The following EGFLAM variants were observed in gnomAD, a reference collection of about 807,000 sequenced individuals.
EGFLAM encodes the protein pikachurin.
EGFLAM carries 79 observed loss-of-function variants against 113.1 expected under a neutral mutation model. That is an observed-to-expected ratio of 0.70 (90% CI 0.58 to 0.84). The LOEUF (loss-of-function observed/expected upper bound fraction) is 0.84, where lower values mean the gene tolerates loss of function less well. Among genes scored for constraint, EGFLAM ranks in the 40% least tolerant of loss-of-function variants. EGFLAM has a pLI of 0.00. For missense variants in EGFLAM, 1,265 were observed against 1,291.6 expected (o/e 0.98, Z 0.32); for synonymous variants, 504 against 487.6 (o/e 1.03, Z -0.44).
At chr5:38,448,045 G>A (rs943567327) in intron 17 of EGFLAM, among the ~76,000 whole-genome samples, 1 of 152,154 alleles carries the variant, frequency 6.6e-6, no homozygotes, top group African/African-American at 2.4e-5. Flanking sequence ...CACATTGTGA[G>A]GCCTTCTCAG....
intron 1 of EGFLAM, among the ~76,000 whole-genome samples, chr5:38,297,346 G>C (rs552536542): frequency 6.6e-6 from 1 of 152,094 alleles, no homozygotes; most frequent in Non-Finnish European, 1.5e-5. Flanking sequence ...ATTGAGAGAG[G>C]TCAGGGATCT....
At chr5:38,427,796 A>G (rs749835252) in intron 14 of EGFLAM, among the ~76,000 whole-genome samples, 8 of 152,360 alleles carry the variant, frequency 5.3e-5, no homozygotes, top group East Asian at 1.9e-4. Flanking sequence ...TCCCTAAGCA[A>G]TATGCTCAAG....
intron 5 of EGFLAM, among the ~76,000 whole-genome samples, chr5:38,363,792 A>G (rs561450642): frequency 6.6e-6 from 1 of 152,342 alleles, no homozygotes; most frequent in East Asian, 1.9e-4. Flanking sequence ...GGCACAAGCC[A>G]AGTTAAACCA....
At chr5:38,339,551 C>G (rs368998387) in intron 3 of EGFLAM, among the ~76,000 whole-genome samples, 2 of 152,242 alleles carry the variant, frequency 1.3e-5, no homozygotes, top group East Asian at 1.9e-4. Context: ...GGAACTATCA[C>G]TTATTGAGCA....
intron 17 of EGFLAM, chr5:38,445,763 G>A: frequency 6.5e-7 from 1 of 1,541,708 alleles, no homozygotes; most frequent in Non-Finnish European, 8.9e-7. Context: ...CAGGCCAACC[G>A]CATGCAGGGG....
At chr5:38,330,010 T>G (rs574984163) in intron 1 of EGFLAM, among the ~76,000 whole-genome samples, 1 of 152,284 alleles carries the variant, frequency 6.6e-6, no homozygotes, top group East Asian at 1.9e-4. Context: ...ATTTAAATAC[T>G]TTCCTACAGA....
intron 1 of EGFLAM, among the ~76,000 whole-genome samples, chr5:38,259,185 A>T (rs1245583125): frequency 6.6e-6 from 1 of 152,206 alleles, no homozygotes; most frequent in Non-Finnish European, 1.5e-5. Flanking sequence ...CAGAGGAGTC[A>T]AACCAGCCCC....
rs1318202870 is a variant in EGFLAM, at chr5:38,289,547, A to G, written c.97+30696A>G. Among the ~76,000 whole-genome samples, 4 of 152,332 alleles carry G rather than the reference A, an allele frequency of 2.6e-5. No individual in the cohort carries two copies. The East Asian group carries it at 7.7e-4, about 29-fold the overall frequency. Reference sequence around the variant, plus strand: ...AAGCTCCACTACTTAGAATTTTGTCAGTTTCTGATAGAGGAGGAAAGTGGA... The same window carrying G: ...AAGCTCCACTACTTAGAATTTTGTCGGTTTCTGATAGAGGAGGAAAGTGGA... On this transcript the variant is annotated intron_variant, in intron 1 of 21. Coordinates refer to ENST00000322350, the MANE Select transcript of EGFLAM (RefSeq NM_152403.4).
At chr5:38,426,007 G>A (rs962615773) in intron 13 of EGFLAM, among the ~76,000 whole-genome samples, 2 of 151,972 alleles carry the variant, frequency 1.3e-5, no homozygotes, top group Admixed American at 1.3e-4. Context: ...GGAGGCTGAG[G>A]CAGGAGAATT....
intron 1 of EGFLAM, among the ~76,000 whole-genome samples, chr5:38,324,125 A>T (rs1738812507): frequency 6.6e-6 from 1 of 151,858 alleles, no homozygotes. Context: ...ATGTGAGGAA[A>T]GCCTTGGGTG....
At chr5:38,335,804 C>A (rs1175526615) in intron 1 of EGFLAM, among the ~76,000 whole-genome samples, 1 of 152,150 alleles carries the variant, frequency 6.6e-6, no homozygotes. Flanking sequence ...ACATTGATGA[C>A]AAGCCCTAGA....
At chr5:38,373,355 C>G (rs1740273852) in intron 6 of EGFLAM, among the ~76,000 whole-genome samples, 1 of 152,162 alleles carries the variant, frequency 6.6e-6, no homozygotes, top group Admixed American at 6.5e-5. Flanking sequence ...GTACCCATCA[C>G]CCAAATAGTG....
At chr5:38,393,962 C>T (rs1740885082) in intron 6 of EGFLAM, among the ~76,000 whole-genome samples, 1 of 152,154 alleles carries the variant, frequency 6.6e-6, no homozygotes, top group Non-Finnish European at 1.5e-5. Flanking sequence ...CGGTGGGTGG[C>T]TCTCAGCGGA....
At chr5:38,441,164 C>T (rs1486948875) in intron 17 of EGFLAM, among the ~76,000 whole-genome samples, 5 of 152,184 alleles carry the variant, frequency 3.3e-5, no homozygotes, top group African/African-American at 4.8e-5. Context: ...CCACAGGCTT[C>T]CTGTAGCAGT....
intron 14 of EGFLAM, among the ~76,000 whole-genome samples, chr5:38,427,680 T>C (rs1333079050): frequency 6.6e-6 from 1 of 152,202 alleles, no homozygotes; most frequent in African/African-American, 2.4e-5. Flanking sequence ...ACAAATATTT[T>C]TGAACAAAAA....
At chr5:38,296,097 G>T (rs1206791217) in intron 1 of EGFLAM, among the ~76,000 whole-genome samples, 1 of 152,096 alleles carries the variant, frequency 6.6e-6, no homozygotes, top group Non-Finnish European at 1.5e-5. Flanking sequence ...ATGGGGATTT[G>T]GGGTGGGGGT....
chr5:38,312,524 G>T (rs1046917801), intron 1 of EGFLAM, among the ~76,000 whole-genome samples: 2 of 152,160 alleles, frequency 1.3e-5, no homozygotes, highest in Non-Finnish European at 2.9e-5. Flanking sequence ...ACAGGCGTGA[G>T]CCACCGCGCC....
At chr5:38,349,818 A>C (rs1282372266) in intron 3 of EGFLAM, among the ~76,000 whole-genome samples, 1 of 120,122 alleles carries the variant, frequency 8.3e-6, no homozygotes, top group Non-Finnish European at 1.7e-5. Context: ...CACTTTTAAG[A>C]AAGTCTTCCT....
intron 5 of EGFLAM, among the ~76,000 whole-genome samples, 180 bp from the exon 6 acceptor site, chr5:38,370,116 G>A (rs1200209366): frequency 6.6e-6 from 1 of 152,140 alleles, no homozygotes; most frequent in African/African-American, 2.4e-5. Flanking sequence ...TTATCGGCAG[G>A]GACTTGCAAA....
Sources: gnomAD v4.1 joint callset for allele counts (sites outside exome capture counted in the v4.1 genomes callset) on GRCh38, gnomAD v4.1.1 for gene constraint, MANE v1.5 for transcripts, NCBI Gene and HGNC (gene_info 2026-07-23, HGNC 2026-07-21) for gene names.